NTM: variants seen among roughly 807,000 people sequenced by gnomAD.
NTM encodes neurotrimin, also known as IgLON family member 2.
A neutral mutation model predicts 42.1 loss-of-function variants in NTM; 13 were observed. The observed-to-expected ratio is 0.31, with a 90% CI of 0.20 to 0.49. The LOEUF (loss-of-function observed/expected upper bound fraction) is 0.49, where lower values mean the gene tolerates loss of function less well. Ranked by LOEUF, NTM falls within the 20% of genes least tolerant of loss-of-function variation. NTM has a pLI of 0.99. For missense variants in NTM, 373 were observed against 452.8 expected (o/e 0.82, Z 1.60); for synonymous variants, 187 against 179.2 (o/e 1.04, Z -0.35).
chr11:131,720,310 G>T (rs2078183706), intron 1 of NTM, among the ~76,000 whole-genome samples: 1 of 152,180 alleles, frequency 6.6e-6, no homozygotes, highest in Non-Finnish European at 1.5e-5. Context: ...GATACAGTGT[G>T]TTTACGTTCG....
At position 131,565,894 on chromosome 11, in the gene NTM, C is replaced by T. The variant is rs1029661706; in HGVS notation, c.82+195006C>T. The stretch of plus-strand genomic sequence containing the variant: ...TCAAGGGAGAATCGTGGTCCTTGTG[C>T]GGACCCATCTACATAGTCAGGAAGT... On this transcript the variant is annotated intron_variant, in intron 1 of 8. Coordinates refer to ENST00000683400, the MANE Select transcript of NTM (RefSeq NM_001352005.2). Among the ~76,000 whole-genome samples, 6 of 152,242 alleles carry T rather than the reference C, an allele frequency of 3.9e-5. No individual in the cohort carries two copies. The East Asian group carries it at 5.8e-4, about 15-fold the overall frequency.
At chr11:132,279,494 T>C (rs2093881486) in intron 4 of NTM, among the ~76,000 whole-genome samples, 1 of 152,182 alleles carries the variant, frequency 6.6e-6, no homozygotes, top group Non-Finnish European at 1.5e-5. Context: ...AGCCCACATG[T>C]TCGCACTTAA....
intron 1 of NTM, among the ~76,000 whole-genome samples, chr11:131,505,867 G>C (rs74496071): frequency 3.3e-5 from 5 of 152,030 alleles, no homozygotes. Context: ...GTGTGATCCC[G>C]CGCAAGTTAC....
chr11:131,819,803 A>C (rs1565591625), intron 1 of NTM, among the ~76,000 whole-genome samples: 1 of 152,068 alleles, frequency 6.6e-6, no homozygotes, highest in Non-Finnish European at 1.5e-5. Flanking sequence ...TTTACCTTTA[A>C]TTAGAATTTT....
At chr11:131,888,905 T>A (rs1447748023) in intron 1 of NTM, among the ~76,000 whole-genome samples, 1 of 144,694 alleles carries the variant, frequency 6.9e-6, no homozygotes, top group Non-Finnish European at 1.5e-5. Flanking sequence ...TTTATTCCTC[T>A]TTATTTTTTT....
intron 1 of NTM, among the ~76,000 whole-genome samples, chr11:131,574,051 G>T (rs981263990): frequency 6.6e-6 from 1 of 152,152 alleles, no homozygotes; most frequent in Non-Finnish European, 1.5e-5. Context: ...CAGCACGTGG[G>T]TGTTGGGGAG....
intron 2 of NTM, among the ~76,000 whole-genome samples, chr11:131,980,580 AGAGT>A (rs1169150940): frequency 1.3e-5 from 2 of 152,234 alleles, no homozygotes; most frequent in African/African-American, 4.8e-5. Context: ...ACATAGAAAT[AGAGT>A]GAGTTTTCAC....
chr11:131,894,568 G>C (rs1264645616), intron 1 of NTM, among the ~76,000 whole-genome samples: 3 of 152,242 alleles, frequency 2.0e-5, no homozygotes, highest in African/African-American at 7.2e-5. Context: ...GATGTGCCGT[G>C]ACACTGCCTA....
chr11:132,006,078 T>C (rs1027841055), intron 2 of NTM, among the ~76,000 whole-genome samples: 2 of 152,180 alleles, frequency 1.3e-5, no homozygotes, highest in Non-Finnish European at 2.9e-5. Context: ...TTAGGCATGC[T>C]TCTCTTTGGA....
chr11:131,561,642 G>A (rs892125780), intron 1 of NTM, among the ~76,000 whole-genome samples: 2 of 152,198 alleles, frequency 1.3e-5, no homozygotes, highest in African/African-American at 4.8e-5. Context: ...TTCAGTCTCC[G>A]CTGGGGGACA....
At chr11:131,410,672 T>G (rs956848542) in intron 1 of NTM, among the ~76,000 whole-genome samples, 95 of 152,182 alleles carry the variant, frequency 6.2e-4, no homozygotes, top group South Asian at 6.2e-4. Flanking sequence ...GAATATATCC[T>G]TCAACTCTGT....
chr11:131,689,168 G>C (rs373575584), intron 1 of NTM, among the ~76,000 whole-genome samples: 3 of 152,304 alleles, frequency 2.0e-5, no homozygotes, highest in East Asian at 3.9e-4. Flanking sequence ...TGTGAGGACC[G>C]AGCCCCTTCT....
intron 1 of NTM, among the ~76,000 whole-genome samples, chr11:131,519,014 C>G (rs1414613063): frequency 1.3e-5 from 2 of 152,162 alleles, no homozygotes; most frequent in African/African-American, 2.4e-5. Context: ...AACTATAATG[C>G]CTTTAGTAGA....
At chr11:131,991,970 A>T (rs1490010492) in intron 2 of NTM, among the ~76,000 whole-genome samples, 1 of 152,180 alleles carries the variant, frequency 6.6e-6, no homozygotes, top group Non-Finnish European at 1.5e-5. Flanking sequence ...ATCATTCTGG[A>T]TGTATATATG....
intron 3 of NTM, among the ~76,000 whole-genome samples, chr11:132,189,881 A>G (rs2079025588): frequency 6.6e-6 from 1 of 152,226 alleles, no homozygotes; most frequent in African/African-American, 2.4e-5. Flanking sequence ...ACACTGTTCC[A>G]TGCTGGGGGC....
intron 1 of NTM, among the ~76,000 whole-genome samples, chr11:131,747,438 A>T (rs1267409415): frequency 6.6e-6 from 1 of 152,136 alleles, no homozygotes; most frequent in Non-Finnish European, 1.5e-5. Context: ...TTTGCTTGCC[A>T]TTCAAGCTAC....
intron 1 of NTM, among the ~76,000 whole-genome samples, chr11:131,520,968 G>C (rs1287526752): frequency 6.6e-6 from 1 of 152,156 alleles, no homozygotes; most frequent in Non-Finnish European, 1.5e-5. Flanking sequence ...GATCATGATG[G>C]AAGGGGAAGG....
intron 2 of NTM, among the ~76,000 whole-genome samples, chr11:132,104,893 G>C (rs1309883710): frequency 7.2e-6 from 1 of 139,140 alleles, no homozygotes; most frequent in Non-Finnish European, 1.5e-5. Context: ...ACTCCAGCCT[G>C]AGTAACACAG....
At chr11:132,298,313 C>T (rs904722441) in intron 4 of NTM, among the ~76,000 whole-genome samples, 1 of 152,166 alleles carries the variant, frequency 6.6e-6, no homozygotes, top group Non-Finnish European at 1.5e-5. Flanking sequence ...AAATCAAAAG[C>T]TGATTTATTT....
Sources: gnomAD v4.1 joint callset for allele counts (sites outside exome capture counted in the v4.1 genomes callset) on GRCh38, gnomAD v4.1.1 for gene constraint, MANE v1.5 for transcripts, NCBI Gene and HGNC (gene_info 2026-07-23, HGNC 2026-07-21) for gene names.